TBC1D5: variants seen among roughly 807,000 people sequenced by gnomAD.
TBC1D5 encodes the protein TBC1 domain family, member 5.
Under a neutral mutation model 100.3 loss-of-function variants are expected in TBC1D5, and 75 were observed. The observed-to-expected ratio is 0.75, with a 90% CI of 0.62 to 0.91. The LOEUF (loss-of-function observed/expected upper bound fraction) is 0.91, where lower values mean the gene tolerates loss of function less well. TBC1D5 is among the 40% of genes least tolerant of loss of function. The probability of loss-of-function intolerance (pLI) is 0.00; values close to 1 mark genes in which losing one functional copy is unlikely to be tolerated. For missense variants in TBC1D5, 910 were observed against 942.4 expected, an observed-to-expected ratio of 0.97 and a Z score of 0.45; for synonymous variants, 323 against 325.6, an observed-to-expected ratio of 0.99 and a Z score of 0.09.
chr3:17,413,717 T>C (rs2093995461), intron 4 of TBC1D5, among the ~76,000 whole-genome samples: 1 of 152,170 alleles, frequency 6.6e-6, no homozygotes, highest in African/African-American at 2.4e-5. Context: ...TTGTCCCAAA[T>C]GGTGATACAC....
At chr3:17,696,658 T>G (rs2072151340) in intron 1 of TBC1D5, among the ~76,000 whole-genome samples, 1 of 152,122 alleles carries the variant, frequency 6.6e-6, no homozygotes, top group South Asian at 2.1e-4. Context: ...GATTCACAGC[T>G]AAATTCTACC....
chr3:17,360,077 A>T (rs191023819), intron 13 of TBC1D5, among the ~76,000 whole-genome samples: 1 of 152,064 alleles, frequency 6.6e-6, no homozygotes, highest in Non-Finnish European at 1.5e-5. Flanking sequence ...TATTCTGCCA[A>T]CAGACTGGAA....
intron 13 of TBC1D5, among the ~76,000 whole-genome samples, chr3:17,344,330 A>T (rs1283000821): frequency 2.6e-5 from 4 of 152,200 alleles, no homozygotes; most frequent in Non-Finnish European, 4.4e-5. Context: ...CTTCAAAGAG[A>T]ATAAAATACT....
intron 1 of TBC1D5, among the ~76,000 whole-genome samples, chr3:17,630,131 G>C (rs141528354): frequency 2.0e-5 from 3 of 152,254 alleles, no homozygotes; most frequent in African/African-American, 7.2e-5. Flanking sequence ...ACCTTAAGAG[G>C]AGGAAGTTCT....
intron 8 of TBC1D5, among the ~76,000 whole-genome samples, chr3:17,401,335 ATATGTATAATATACAT>A: frequency 2.5e-4 from 3 of 12,138 alleles, no homozygotes; most frequent in Admixed American, 1.9e-3. Context: ...TAATATACAT[ATATGTATAATATACAT>A]ATATATGTAT....
intron 16 of TBC1D5, among the ~76,000 whole-genome samples, chr3:17,250,043 T>C (rs2077056666): frequency 6.6e-6 from 1 of 152,192 alleles, no homozygotes; most frequent in Non-Finnish European, 1.5e-5. Context: ...ACTTGCTCAG[T>C]GCAGGGTTGC....
At chr3:17,188,357 G>T (rs2069413318) in intron 18 of TBC1D5, among the ~76,000 whole-genome samples, 1 of 152,180 alleles carries the variant, frequency 6.6e-6, no homozygotes. Flanking sequence ...AACCCAAGTA[G>T]ATCTTGATAC....
chr3:17,410,896 T>C (rs1239063833), intron 4 of TBC1D5, among the ~76,000 whole-genome samples: 1 of 152,148 alleles, frequency 6.6e-6, no homozygotes, highest in African/African-American at 2.4e-5. Flanking sequence ...TCAAAGAATT[T>C]AGAATATTTA....
At chr3:17,663,342 TCAAA>T (rs1240945476) in intron 1 of TBC1D5, among the ~76,000 whole-genome samples, 1 of 149,396 alleles carries the variant, frequency 6.7e-6, no homozygotes, top group Non-Finnish European at 1.5e-5. Flanking sequence ...TAAAAAAAAA[TCAAA>T]CACAGAAAAA....
At chr3:17,270,797 G>T (rs1324812680) in intron 15 of TBC1D5, among the ~76,000 whole-genome samples, 3 of 152,050 alleles carry the variant, frequency 2.0e-5, no homozygotes, top group Non-Finnish European at 4.4e-5. Context: ...GTTGTATATG[G>T]TGAAGGTAGG....
intron 13 of TBC1D5, among the ~76,000 whole-genome samples, chr3:17,364,901 T>G (rs1035638923): frequency 3.9e-5 from 6 of 152,220 alleles, no homozygotes; most frequent in Non-Finnish European, 7.4e-5. Context: ...GTACTCTATA[T>G]GATTTTTTTC....
At chr3:17,560,375 T>C (rs532324920) in intron 2 of TBC1D5, among the ~76,000 whole-genome samples, 6 of 152,280 alleles carry the variant, frequency 3.9e-5, no homozygotes, top group African/African-American at 1.4e-4. Context: ...CCTGTCACTT[T>C]GAAAGGACAA....
intron 3 of TBC1D5, among the ~76,000 whole-genome samples, chr3:17,463,854 G>A (rs1463324365): frequency 3.3e-5 from 5 of 150,610 alleles, no homozygotes; most frequent in Non-Finnish European, 5.9e-5. Flanking sequence ...TCATGCAATC[G>A]TATCTCTTCT....
chr3:17,380,073 G>GTGTGTGTA (rs1575604855), intron 9 of TBC1D5, among the ~76,000 whole-genome samples: 3 of 145,212 alleles, frequency 2.1e-5, no homozygotes, highest in Non-Finnish European at 4.5e-5. Context: ...GTGTGTGTGT[G>GTGTGTGTA]TGTGTGTGTG....
rs149494613 is a variant in TBC1D5, at chr3:17,590,795, T to G, written c.-36+33054A>C. Among the ~76,000 whole-genome samples, 153 of 152,228 alleles carry G rather than the reference T, an allele frequency of 1.0e-3. 2 individuals carry two copies. The South Asian group carries it at 0.018, about 18-fold the overall frequency. ...AGCAGTGGCAAAGCAGCAATCAGAA[T>G]AGTCTGATTCACGTAGAGCTTTGGC... is the stretch of plus-strand genomic sequence containing the variant. On this transcript the variant is annotated intron_variant, in intron 2 of 21. Coordinates refer to ENST00000253692, the Ensembl canonical transcript of TBC1D5.
At chr3:17,742,589 GGCCC>G (rs1386503528), upstream of TBC1D5, 5 of 152,406 alleles carry the variant, frequency 3.3e-5, no homozygotes, top group Admixed American at 6.5e-5. Context: ...GAAGCGGCCG[GGCCC>G]GGCCCGACCT....
intron 2 of TBC1D5, chr3:17,622,630 T>C (rs2062761698): frequency 6.6e-6 from 1 of 151,970 alleles, no homozygotes; most frequent in African/African-American, 2.4e-5. Flanking sequence ...AAATACTGAA[T>C]TGAACTAAGT....
chr3:17,698,849 T>C (rs1185572663), intron 1 of TBC1D5, among the ~76,000 whole-genome samples: 3 of 139,952 alleles, frequency 2.1e-5, no homozygotes, highest in East Asian at 5.0e-4. Flanking sequence ...TGAGATATCA[T>C]CTCACACCAG....
intron 3 of TBC1D5, among the ~76,000 whole-genome samples, chr3:17,431,218 T>A (rs781052987): frequency 3.9e-5 from 6 of 151,964 alleles, no homozygotes; most frequent in Non-Finnish European, 8.8e-5. Flanking sequence ...TGAACTAAGT[T>A]GTCAGGTAGC....
Sources: allele counts gnomAD v4.1 joint callset (sites outside exome capture counted in the v4.1 genomes callset), GRCh38; gene constraint gnomAD v4.1.1; transcripts MANE v1.5; gene names NCBI Gene and HGNC (gene_info 2026-07-23, HGNC 2026-07-21).